CRAMP1: variants seen among roughly 807,000 people sequenced by gnomAD.
CRAMP1 encodes protein cramped-like.
A neutral mutation model predicts 115.4 loss-of-function variants in CRAMP1; 50 were observed. That is an observed-to-expected ratio of 0.43 (90% CI 0.35 to 0.55). The LOEUF is 0.55. Ranked by LOEUF, CRAMP1 falls within the 20% of genes least tolerant of loss-of-function variation. The pLI is 0.01. For synonymous variants in CRAMP1, 866 were observed against 745.4 expected (o/e 1.16, Z -2.64); for missense variants, 1,679 against 1,721.7 (o/e 0.98, Z 0.44).
chr16:1,625,998 T>C lies in CRAMP1; in HGVS notation c.372T>C (p.Ser124=), dbSNP rs1357077795. The C allele has an allele frequency of 6.4e-7, 1 of 1,551,622 alleles. No homozygotes were observed. Among genetic ancestry groups the C allele is most frequent in the East Asian group, 2.4e-5 (1 of 40,904 alleles). ...GAGCTGAAGGTGGTGGATCATCGTC[T>C]GGAAATGTGTCTGGGGTTGCCCCTG... ...GKGAEGGGSS[S]GNVSGVAPAA... The change falls in exon 3 of 21, where the codon TCT becomes TCC. Residue 124 remains serine, a synonymous_variant. Transcript: ENST00000397412.
At chr16:1,646,242 T>C (rs1233117203) in intron 6 of CRAMP1, among the ~76,000 whole-genome samples, 1 of 152,076 alleles carries the variant, frequency 6.6e-6, no homozygotes, top group African/African-American at 2.4e-5. Context: ...TGCCTCCAGG[T>C]TTTTGTGTGA....
chr16:1,638,970 C>T (rs537049140), intron 5 of CRAMP1, among the ~76,000 whole-genome samples: 46 of 152,120 alleles, frequency 3.0e-4, no homozygotes, highest in African/African-American at 1.1e-3. Flanking sequence ...CTCTCCAGCC[C>T]GCACTCATGT....
intron 6 of CRAMP1, among the ~76,000 whole-genome samples, chr16:1,647,748 TAAAA>T (rs35279793): frequency 9.1e-5 from 8 of 87,744 alleles, no homozygotes; most frequent in Admixed American, 5.2e-4. Flanking sequence ...GACTCTGCCT[TAAAA>T]AAAAAAAAAA....
chr16:1,674,029 G>A lies in CRAMP1; in HGVS notation c.3794G>A (p.Ser1265Asn), dbSNP rs2036945953. Residue 1265 changes from serine (S) to asparagine (N), a missense_variant, in exon 21 of 21, where the codon AGT (serine) becomes AAT (asparagine). Transcript: ENST00000397412. ...FDGGGGGPAV[S>N]DLSQ Reference sequence around the variant, plus strand: ...GGTGGTGGAGGCGGCCCCGCTGTCAGTGACCTGTCCCAGTGACCACACGTC... The same window carrying A: ...GGTGGTGGAGGCGGCCCCGCTGTCAATGACCTGTCCCAGTGACCACACGTC... 6 of 1,612,072 alleles carry A rather than the reference G, an allele frequency of 3.7e-6. No individual in the cohort carries two copies. Among genetic ancestry groups the A allele is most frequent in the Non-Finnish European group, 5.1e-6 (6 of 1,179,842 alleles).
intron 16 of CRAMP1, 105 bp from the exon 17 acceptor site, chr16:1,667,230 G>T: frequency 1.2e-6 from 1 of 837,480 alleles, no homozygotes; most frequent in Non-Finnish European, 2.0e-6. Context: ...CTGTTAGGAG[G>T]CCAGGGGGAT....
intron 8 of CRAMP1, among the ~76,000 whole-genome samples, chr16:1,654,256 G>A (rs1316739292): frequency 7.3e-5 from 11 of 150,570 alleles, no homozygotes; most frequent in Admixed American, 5.9e-4. Context: ...TGTGGCTCAG[G>A]CTGGAGTGCA....
intron 1 of CRAMP1, among the ~76,000 whole-genome samples, chr16:1,612,896 A>G (rs1191796959): frequency 6.6e-6 from 1 of 151,286 alleles, no homozygotes; most frequent in African/African-American, 2.4e-5. Context: ...GGTTCTCGCG[A>G]AAAGGAGGCC....
intron 6 of CRAMP1, among the ~76,000 whole-genome samples, chr16:1,648,330 C>T (rs1160734919): frequency 2.6e-5 from 4 of 152,130 alleles, no homozygotes; most frequent in Admixed American, 2.0e-4. Context: ...TGACTTGAGC[C>T]GGGTACAGTG....
chr16:1,657,412 A>G (rs2036785734), intron 10 of CRAMP1, among the ~76,000 whole-genome samples: 1 of 152,200 alleles, frequency 6.6e-6, no homozygotes, highest in Non-Finnish European at 1.5e-5. Flanking sequence ...CTGAAGGGAC[A>G]GTGTGCACAG....
In CRAMP1 at chr16:1,656,262, G is replaced by C. The variant is rs1295658944; in HGVS notation, c.1505G>C (p.Ser502Thr). The C allele has an allele frequency of 1.9e-6, 3 of 1,611,322 alleles. No individual in the cohort carries two copies. The East Asian group carries it at 6.7e-5, about 36-fold the overall frequency. ...GCCCCCGGGGAGGGGGCTGCCCTAA[G>C]CTTGAGCAGCCCGGACGCTCCTGAC... ...ESAPGEGAALSLSSPDAPDRP... is the reference protein window; with the variant it reads ...ESAPGEGAALTLSSPDAPDRP... Residue 502 changes from serine (S) to threonine (T), a missense_variant, in exon 10 of 21, where the codon AGC (serine) becomes ACC (threonine). Ser to Thr is a moderately conservative substitution (Grantham distance 58). Coordinates refer to ENST00000397412, the MANE Select transcript of CRAMP1 (RefSeq NM_020825.4). The surrounding 1 kb of genome is among the most constrained non-coding windows in gnomAD (Gnocchi z 5.6).
Position 1,660,018 on chromosome 16 carries a change from C to T in CRAMP1, c.2368C>T (p.Arg790Cys), listed in dbSNP as rs1393732339. The change falls in exon 11 of 21, where the codon CGC (arginine) becomes TGC (cysteine). Residue 790 changes from arginine (R) to cysteine (C), a missense_variant. By Grantham distance (180) the Arg-to-Cys change is radical (BLOSUM62 -3). Around this residue, in one of 8 missense-constraint regions of CRAMP1, gnomAD observed 709 missense variants for 741.9 expected, o/e 0.96. Transcript: ENST00000397412. Reference sequence around the variant, plus strand: ...CTGCCCTCGGAACCAGGCCTCCCTCCGCAGCAGCAAGACCTTCCCGCCCAG... The same window carrying T: ...CTGCCCTCGGAACCAGGCCTCCCTCTGCAGCAGCAAGACCTTCCCGCCCAG... ...PRCPRNQASL[R>C]SSKTFPPSSA... 5.0e-6 allele frequency: 8 copies of T among 1,601,570 alleles called. No homozygotes were observed. The highest frequency in any genetic ancestry group is 6.8e-6 in the Non-Finnish European group (8 of 1,179,310).
intron 19 of CRAMP1, 47 bp from the exon 20 acceptor site, chr16:1,670,617 A>G (rs973671922): frequency 2.5e-6 from 4 of 1,606,404 alleles, no homozygotes; most frequent in Non-Finnish European, 3.4e-6. Context: ...GGACTGGTCC[A>G]GACCAAGCAG....
At chr16:1,638,016 A>G (rs2036602285) in intron 5 of CRAMP1, 109 bp downstream of exon 5, 1 of 500,976 alleles carries the variant, frequency 2.0e-6, no homozygotes, top group South Asian at 4.2e-5. Flanking sequence ...TATCTTGAAA[A>G]AATTTTACTA....
intron 10 of CRAMP1, among the ~76,000 whole-genome samples, chr16:1,658,875 G>T (rs2142201014): frequency 6.6e-6 from 1 of 152,286 alleles, no homozygotes; most frequent in East Asian, 1.9e-4. Flanking sequence ...GCCCCGGGTG[G>T]GATGTGTGGG....
rs776510604 is a variant in CRAMP1, at chr16:1,614,817, C to T, written c.178C>T (p.Pro60Ser). 5.5e-6 allele frequency: 7 copies of T among 1,268,934 alleles called. No individual in the cohort carries two copies. The highest frequency in any genetic ancestry group is 3.1e-5 in the African/African-American group (2 of 64,056). 78.6% of individuals were successfully genotyped at this position (1,268,934 alleles called of 1,614,324 possible). A position where few individuals can be genotyped will look rare whatever the true frequency, so the allele number is the denominator to read the frequency against. Residue 60 changes from proline to serine, a missense_variant, in exon 2 of 21, where the codon CCC becomes TCC. This residue lies in a region of CRAMP1 where 264 missense variants were observed against 229.7 expected (regional missense o/e 1.15). Transcript: ENST00000397412. This position sits in a 1 kb window ranked among gnomAD's most constrained non-coding sequence, Gnocchi z 4.4. ...CCCCCGGGCCGGCGCCGACGGCCCCCCCGCGCCCCCCGGCGCGCCGCAGGC... is the reference window on the plus strand; with the variant it reads ...CCCCCGGGCCGGCGCCGACGGCCCCTCCGCGCCCCCCGGCGCGCCGCAGGC... ...KTPRAGADGP[P>S]APPGAPQAPS...
intron 4 of CRAMP1, among the ~76,000 whole-genome samples, chr16:1,633,872 A>G (rs898237624): frequency 2.0e-5 from 3 of 152,306 alleles, no homozygotes; most frequent in South Asian, 2.1e-4. Context: ...GATCAAGACC[A>G]TCCTGGCCAA....
chr16:1,665,091 C>T lies in CRAMP1; in HGVS notation c.2705C>T (p.Ser902Phe). The T allele has an allele frequency of 6.2e-7, 1 of 1,613,386 alleles. No homozygotes were observed. Among genetic ancestry groups the T allele is most frequent in the Non-Finnish European group, 8.5e-7 (1 of 1,179,312 alleles). The part of the protein sequence containing the change: ...TLLPRPSENQ[S>F]HNVCSFSILS... The stretch of plus-strand genomic sequence containing the variant: ...CTCCCTAGACCATCGGAAAACCAGT[C>T]CCACAACGTTTGTTCCTTCTCCATC... The change falls in exon 14 of 21, where the codon TCC becomes TTC. Residue 902 changes from serine (S) to phenylalanine (F), a missense_variant. Physicochemically the swap from Ser to Phe is radical, Grantham distance 155. Coordinates refer to ENST00000397412, the MANE Select transcript of CRAMP1 (RefSeq NM_020825.4).
intron 18 of CRAMP1, 111 bp downstream of exon 18, chr16:1,668,304 A>G (rs2036893679): frequency 1.2e-6 from 1 of 843,338 alleles, no homozygotes; most frequent in East Asian, 2.5e-5. Flanking sequence ...TTACGAATTG[A>G]AAACCTGTCA....
intron 6 of CRAMP1, among the ~76,000 whole-genome samples, chr16:1,642,909 C>T (rs979592553): frequency 2.0e-5 from 3 of 152,224 alleles, no homozygotes; most frequent in Non-Finnish European, 4.4e-5. Context: ...ATGTGCTGCC[C>T]AGCGGGGGCG....
Sources: allele counts gnomAD v4.1 joint callset (sites outside exome capture counted in the v4.1 genomes callset), GRCh38; gene constraint gnomAD v4.1.1; regional missense constraint gnomAD v4.1.1; non-coding constraint Gnocchi (gnomAD v3.1); transcripts MANE v1.5; gene names NCBI Gene and HGNC (gene_info 2026-07-23, HGNC 2026-07-21).